Variants in GPC6 observed in about 807,000 individuals in gnomAD.
GPC6 encodes glypican 6, also known as glypican-6.
In GPC6, 14 loss-of-function variants were observed where a neutral mutation model predicts 55.2. The ratio of observed to expected loss-of-function variants is 0.25; its 90% CI spans 0.17 to 0.40. The LOEUF (loss-of-function observed/expected upper bound fraction) is 0.40, where lower values mean the gene tolerates loss of function less well. Ranked by LOEUF, GPC6 falls within the 10% of genes least tolerant of loss-of-function variation. The probability of loss-of-function intolerance (pLI) is 1.00; values close to 1 mark genes in which losing one functional copy is unlikely to be tolerated. For missense variants in GPC6, 641 were observed against 708.5 expected (o/e 0.90, Z 1.08); for synonymous variants, 278 against 259.6 (o/e 1.07, Z -0.68).
intron 1 of GPC6, among the ~76,000 whole-genome samples, chr13:93,525,678 T>C (rs1881618212): frequency 6.6e-6 from 1 of 152,078 alleles, no homozygotes; most frequent in Non-Finnish European, 1.5e-5. Context: ...AAAAAAGGCC[T>C]GGGATGATGG....
chr13:93,448,138 G>T (rs1878081125), intron 1 of GPC6, among the ~76,000 whole-genome samples: 1 of 152,126 alleles, frequency 6.6e-6, no homozygotes, highest in Non-Finnish European at 1.5e-5. Context: ...AATTAACAAT[G>T]AATTGATAAT....
At chr13:93,968,839 A>G (rs1594629118) in intron 3 of GPC6, among the ~76,000 whole-genome samples, 2 of 152,138 alleles carry the variant, frequency 1.3e-5, no homozygotes, top group East Asian at 3.8e-4. Flanking sequence ...ATTAGAGTTT[A>G]ATGTATGCTG....
intron 4 of GPC6, among the ~76,000 whole-genome samples, chr13:94,188,153 C>T (rs1477035887): frequency 6.6e-6 from 1 of 152,192 alleles, no homozygotes; most frequent in Non-Finnish European, 1.5e-5. Context: ...AAATGATACT[C>T]ACTTCATGTC....
intron 2 of GPC6, among the ~76,000 whole-genome samples, chr13:93,757,001 C>G (rs571598351): frequency 1.3e-5 from 2 of 152,238 alleles, no homozygotes; most frequent in East Asian, 1.9e-4. Context: ...CATTTTACAT[C>G]GCAAAGATTC....
At chr13:94,146,291 T>C (rs1412574146) in intron 4 of GPC6, among the ~76,000 whole-genome samples, 1 of 152,020 alleles carries the variant, frequency 6.6e-6, no homozygotes, top group East Asian at 1.9e-4. Context: ...CCAACCACTA[T>C]ATTAAAAATA....
chr13:93,997,229 T>C (rs1458016781), intron 3 of GPC6, among the ~76,000 whole-genome samples: 1 of 152,204 alleles, frequency 6.6e-6, no homozygotes, highest in Non-Finnish European at 1.5e-5. Context: ...TTAAATGCCA[T>C]AGGAGACATC....
At chr13:93,876,710 T>C (rs1321421161) in intron 3 of GPC6, among the ~76,000 whole-genome samples, 3 of 152,260 alleles carry the variant, frequency 2.0e-5, no homozygotes, top group African/African-American at 7.2e-5. Flanking sequence ...AGAAAAGAGA[T>C]TCTTTCTTCT....
intron 3 of GPC6, among the ~76,000 whole-genome samples, chr13:93,839,592 G>T (rs1887875514): frequency 6.6e-6 from 1 of 152,146 alleles, no homozygotes; most frequent in African/African-American, 2.4e-5. Context: ...ACTTTGCACA[G>T]CAGTCACATC....
At chr13:93,463,332 C>T (rs114211740) in intron 1 of GPC6, among the ~76,000 whole-genome samples, 3,124 of 152,226 alleles carry the variant, frequency 0.021, 117 homozygotes, top group African/African-American at 0.071. Context: ...TGGACGTTTG[C>T]GAAAATGGCC....
At chr13:93,315,626 A>G (rs761532005) in intron 1 of GPC6, among the ~76,000 whole-genome samples, 4 of 151,966 alleles carry the variant, frequency 2.6e-5, no homozygotes, top group Non-Finnish European at 5.9e-5. Context: ...ATATAATTTT[A>G]CATTATTTCA....
At chr13:93,407,938 G>A (rs965428046) in intron 1 of GPC6, among the ~76,000 whole-genome samples, 1 of 152,170 alleles carries the variant, frequency 6.6e-6, no homozygotes, top group African/African-American at 2.4e-5. Flanking sequence ...GGATTGTTGT[G>A]TTGAGGAGCT....
At chr13:93,337,954 C>T (rs1420547636) in intron 1 of GPC6, among the ~76,000 whole-genome samples, 3 of 152,172 alleles carry the variant, frequency 2.0e-5, no homozygotes, top group Admixed American at 1.3e-4. Context: ...AAATTCTCAG[C>T]GGAATTAAAT....
intron 2 of GPC6, among the ~76,000 whole-genome samples, chr13:93,739,305 T>C (rs151169766): frequency 0.02 from 3,005 of 152,292 alleles, 93 homozygotes; most frequent in African/African-American, 0.067. Context: ...GTGGCTTCTG[T>C]AATGTGCCCT....
chr13:94,325,087 G>A (rs1399571192), intron 6 of GPC6, among the ~76,000 whole-genome samples: 2 of 152,028 alleles, frequency 1.3e-5, no homozygotes, highest in Non-Finnish European at 1.5e-5. Context: ...TCTCTTCTTT[G>A]TCGTCCACAG....
intron 4 of GPC6, among the ~76,000 whole-genome samples, chr13:94,249,745 G>A (rs1050445271): frequency 6.6e-6 from 1 of 152,144 alleles, no homozygotes; most frequent in East Asian, 1.9e-4. Context: ...ACAAACAGGA[G>A]TAGTGAAAGT....
Position 94,026,222 on chromosome 13 carries a change from G to A in GPC6, c.712-1507G>A, listed in dbSNP as rs144121303. On this transcript the variant is annotated intron_variant, in intron 3 of 8. Coordinates refer to ENST00000377047, the MANE Select transcript of GPC6 (RefSeq NM_005708.5). ...TTTTAGTGATTTTGTCAACATACTG[G>A]GTAAAATTAAGAAAATGTTACAGAA... Among the ~76,000 whole-genome samples, 208 of 151,988 alleles carry A rather than the reference G, an allele frequency of 1.4e-3. 2 individuals carry two copies. The highest frequency in any genetic ancestry group is 5.0e-3 in the African/African-American group (206 of 41,442).
At chr13:93,336,134 T>G (rs760853378) in intron 1 of GPC6, among the ~76,000 whole-genome samples, 2 of 152,252 alleles carry the variant, frequency 1.3e-5, no homozygotes, top group African/African-American at 2.4e-5. Flanking sequence ...TGTTGTTGGC[T>G]TGTAAAATCA....
Position 93,855,431 on chromosome 13 carries a change from C to T in GPC6, c.711+24886C>T, listed in dbSNP as rs565465506. On this transcript the variant is annotated intron_variant, in intron 3 of 8. Transcript: ENST00000377047. ...ACAATTTTATTTATCCATTCATCTACGGAAGGATATCTTGGTTGCTTCCAA... is the reference window on the plus strand; with the variant it reads ...ACAATTTTATTTATCCATTCATCTATGGAAGGATATCTTGGTTGCTTCCAA... 4.6e-5 allele frequency among the ~76,000 whole-genome samples: 7 copies of T among 151,736 alleles called. No individual in the cohort carries two copies. The East Asian group carries it at 9.8e-4, about 21-fold the overall frequency.
intron 3 of GPC6, among the ~76,000 whole-genome samples, chr13:93,866,190 T>G (rs933160019): frequency 2.6e-5 from 4 of 151,666 alleles, no homozygotes; most frequent in Admixed American, 2.6e-4. Flanking sequence ...TAATGTTATT[T>G]ACAGCCAACA....
Sources: gnomAD v4.1 joint callset for allele counts (sites outside exome capture counted in the v4.1 genomes callset) on GRCh38, gnomAD v4.1.1 for gene constraint, MANE v1.5 for transcripts, NCBI Gene and HGNC (gene_info 2026-07-23, HGNC 2026-07-21) for gene names.